The following MAP3K4 variants were observed in gnomAD, a reference collection of about 807,000 sequenced individuals.
MAP3K4 encodes the protein MAP three kinase 1.
MAP3K4 carries 67 observed loss-of-function variants against 185.6 expected under a neutral mutation model. The ratio of observed to expected loss-of-function variants is 0.36; its 90% confidence interval spans 0.30 to 0.44. The LOEUF (loss-of-function observed/expected upper bound fraction) is 0.44. Among genes scored for constraint, MAP3K4 ranks in the 20% least tolerant of loss-of-function variants. MAP3K4 has a pLI of 1.00. For synonymous variants in MAP3K4, 702 were observed against 710.4 expected, an observed-to-expected ratio of 0.99 and a Z score of 0.19; for missense variants, 1,551 against 1,995.1, an observed-to-expected ratio of 0.78 and a Z score of 4.24.
chr6:161,028,829 G>A (rs759950299), intron 1 of MAP3K4, among the ~76,000 whole-genome samples: 3 of 152,184 alleles, frequency 2.0e-5, no homozygotes, highest in East Asian at 1.9e-4. Context: ...AGGTTTGACC[G>A]TTCACCTGGA....
rs80224581 is a variant in MAP3K4 at position 161,056,391 on chromosome 6, G to T, written c.1707+6412G>T. 2.6e-3 allele frequency among the ~76,000 whole-genome samples: 392 copies of T among 152,210 alleles called. 1 individual carries two copies. Among genetic ancestry groups the T allele is most frequent in the Non-Finnish European group, 4.5e-3 (305 of 68,018 alleles). On this transcript the variant is annotated intron_variant, in intron 3 of 26. Coordinates refer to ENST00000392142, the MANE Select transcript of MAP3K4 (RefSeq NM_005922.4). This position sits in a 1 kb window ranked among gnomAD's most constrained non-coding sequence, Gnocchi z 5.4. ...GCCTTCTCAGTGATAGAATTAGAAC[G>T]TACAGGTATGTCTTCTAACCTGTGT...
At chr6:161,004,953 G>A (rs1212909562) in intron 1 of MAP3K4, among the ~76,000 whole-genome samples, 1 of 152,100 alleles carries the variant, frequency 6.6e-6, no homozygotes, top group Admixed American at 6.5e-5. Flanking sequence ...GAGAAAACAC[G>A]ATTTTAGTTT....
chr6:161,009,786 T>G (rs1341105245), intron 1 of MAP3K4, among the ~76,000 whole-genome samples: 1 of 152,186 alleles, frequency 6.6e-6, no homozygotes, highest in Admixed American at 6.5e-5. Flanking sequence ...TTTAAGTCTT[T>G]GCTAGTTTGA....
chr6:161,099,232 G>T (rs535660440), intron 17 of MAP3K4, among the ~76,000 whole-genome samples: 10 of 152,316 alleles, frequency 6.6e-5, no homozygotes, highest in Non-Finnish European at 4.4e-5. Context: ...ACTTCTGATA[G>T]AACCCAGGGC....
At chr6:160,994,322 CATT>C (rs1478750004) in intron 1 of MAP3K4, among the ~76,000 whole-genome samples, 8 of 152,090 alleles carry the variant, frequency 5.3e-5, no homozygotes, top group Non-Finnish European at 1.2e-4. Context: ...CTTCAAAGTC[CATT>C]ATATCATTCT....
chr6:160,997,907 A>T (rs1781080820), intron 1 of MAP3K4, among the ~76,000 whole-genome samples: 1 of 152,212 alleles, frequency 6.6e-6, no homozygotes, highest in Admixed American at 6.5e-5. Context: ...TAGGCTGAGA[A>T]TTCATGAGCC....
intron 1 of MAP3K4, among the ~76,000 whole-genome samples, chr6:161,009,131 C>G (rs111994679): frequency 6.6e-6 from 1 of 151,750 alleles, no homozygotes; most frequent in Non-Finnish European, 1.5e-5. Flanking sequence ...ACTACAGGTG[C>G]GCGCCACCAC....
intron 1 of MAP3K4, among the ~76,000 whole-genome samples, chr6:161,005,942 C>T (rs762632538): frequency 3.3e-5 from 5 of 152,214 alleles, no homozygotes; most frequent in East Asian, 1.9e-4. Context: ...TGCCCGCCAC[C>T]GTGCCTGGCT....
chr6:160,994,421 G>C (rs1780898637), intron 1 of MAP3K4, among the ~76,000 whole-genome samples: 2 of 152,178 alleles, frequency 1.3e-5, no homozygotes, highest in Admixed American at 6.5e-5. Flanking sequence ...TTCACTTAGA[G>C]TAATGGCCTC....
chr6:161,076,843 C>T lies in MAP3K4; in HGVS notation c.2097+3231C>T, dbSNP rs1471110967. 1.3e-5 allele frequency among the ~76,000 whole-genome samples: 2 copies of T among 152,060 alleles called. No individual in the cohort carries two copies. The highest frequency in any genetic ancestry group is 3.9e-4 in the East Asian group (2 of 5,176). ...GTGCCAGGCAGGCACCATGCGGGGA[C>T]CAAGGAACTAGTGCCGAGCGTAAAC... On this transcript the variant is annotated intron_variant, in intron 5 of 26. Transcript: ENST00000392142. The surrounding 1 kb of genome is among the most constrained non-coding windows in gnomAD (Gnocchi z 4.2).
At chr6:161,066,047 T>G (rs1381191751) in intron 3 of MAP3K4, among the ~76,000 whole-genome samples, 1 of 152,306 alleles carries the variant, frequency 6.6e-6, no homozygotes, top group Non-Finnish European at 1.5e-5. Flanking sequence ...TTTCAGATTT[T>G]GGGTTTTTGG....
In MAP3K4 at chr6:161,116,209, G is replaced by A. The variant is rs921319999; in HGVS notation, c.4807-641G>A. Among the ~76,000 whole-genome samples, 2 of 151,868 alleles carry A rather than the reference G, an allele frequency of 1.3e-5. No individual in the cohort carries two copies. Among genetic ancestry groups the A allele is most frequent in the African/African-American group, 4.8e-5 (2 of 41,340 alleles). On this transcript the variant is annotated intron_variant, in intron 26 of 26. Coordinates refer to ENST00000392142, the MANE Select transcript of MAP3K4 (RefSeq NM_005922.4). This position sits in a 1 kb window ranked among gnomAD's most constrained non-coding sequence, Gnocchi z 6.2. ...AGGGAAAGAAGCAGCTGGGTGAGGG[G>A]TGGGTCGGGAGGTGGTGGGTCCTCT...
chr6:161,113,790 CTTTTTTT>C (rs963260228), intron 25 of MAP3K4, among the ~76,000 whole-genome samples: 7 of 71,076 alleles, frequency 9.8e-5, no homozygotes, highest in African/African-American at 3.5e-4. Context: ...ATATGAGTGA[CTTTTTTT>C]TTTTTTTTTT....
At chr6:161,090,962 A>G (rs1777274722) in intron 11 of MAP3K4, among the ~76,000 whole-genome samples, 1 of 152,186 alleles carries the variant, frequency 6.6e-6, no homozygotes, top group Non-Finnish European at 1.5e-5. Context: ...CCCAGAAGAG[A>G]ACCCCTGGAC....
At position 161,098,538 on chromosome 6, in the gene MAP3K4, C is replaced by T. The variant is rs1333444985; in HGVS notation, c.3674+111C>T. 8.3e-6 allele frequency: 11 copies of T among 1,327,768 alleles called. No homozygotes were observed. The highest frequency in any genetic ancestry group is 3.1e-5 in the South Asian group (2 of 65,264). 82.2% of individuals were successfully genotyped at this position (1,327,768 alleles called of 1,614,324 possible). On this transcript the variant is annotated intron_variant, in intron 17 of 26. Transcript: ENST00000392142. The surrounding 1 kb of genome is among the most constrained non-coding windows in gnomAD (Gnocchi z 4.4). ...CTGTGGTTGGGCTTCTTTGCTGTGG[C>T]GTGTGAGTGATGCTCTAGGGCCTTC...
At chr6:161,078,899 A>G (rs1785305065) in intron 5 of MAP3K4, among the ~76,000 whole-genome samples, 1 of 152,202 alleles carries the variant, frequency 6.6e-6, no homozygotes, top group South Asian at 2.1e-4. Context: ...AAAGAAGAAT[A>G]TATACAAATT....
chr6:161,030,264 C>G (rs2115151413), intron 1 of MAP3K4, among the ~76,000 whole-genome samples: 1 of 152,098 alleles, frequency 6.6e-6, no homozygotes, highest in South Asian at 2.1e-4. Flanking sequence ...TCAATAGTTT[C>G]TGTTGCTGTG....
chr6:161,099,126 T>G (rs1440924293), intron 17 of MAP3K4, among the ~76,000 whole-genome samples: 1 of 152,222 alleles, frequency 6.6e-6, no homozygotes, highest in Non-Finnish European at 1.5e-5. Context: ...ATTTCACACT[T>G]GTACCTAAGT....
Position 161,070,270 on chromosome 6 carries a change from A to C in MAP3K4, c.1708-338A>C, listed in dbSNP as rs1215166219. ...TAGAGATAGTTGTCGATAGTACTGT[A>C]TATAACCTGAAAAATAAAGTGTTCT... is the stretch of plus-strand genomic sequence containing the variant. On this transcript the variant is annotated intron_variant, in intron 3 of 26. Coordinates refer to ENST00000392142, the MANE Select transcript of MAP3K4 (RefSeq NM_005922.4). This position sits in a 1 kb window ranked among gnomAD's most constrained non-coding sequence, Gnocchi z 4.5. Among the ~76,000 whole-genome samples the C allele has an allele frequency of 6.6e-6, 1 of 152,192 alleles. No individual in the cohort carries two copies. Among genetic ancestry groups the C allele is most frequent in the African/African-American group, 2.4e-5 (1 of 41,450 alleles).
Sources: gnomAD v4.1 joint callset for allele counts (sites outside exome capture counted in the v4.1 genomes callset) on GRCh38, gnomAD v4.1.1 for gene constraint, Gnocchi (gnomAD v3.1) non-coding constraint, MANE v1.5 for transcripts, NCBI Gene and HGNC (gene_info 2026-07-23, HGNC 2026-07-21) for gene names.